The following NCOA2 variants were observed in gnomAD, a reference collection of about 807,000 sequenced individuals.
NCOA2 encodes nuclear receptor coactivator 2.
A neutral mutation model predicts 145.1 loss-of-function variants in NCOA2; 21 were observed. That is an observed-to-expected ratio of 0.14 (90% CI 0.10 to 0.21). The LOEUF (loss-of-function observed/expected upper bound fraction) is 0.21, where lower values mean the gene tolerates loss of function less well. NCOA2 is among the 10% of genes least tolerant of loss of function. NCOA2 has a pLI of 1.00. For missense variants in NCOA2, 1,472 were observed against 1,837.6 expected, an observed-to-expected ratio of 0.80 and a Z score of 3.64; for synonymous variants, 619 against 637.5, an observed-to-expected ratio of 0.97 and a Z score of 0.44.
At chr8:70,250,737 G>A (rs1483919551) in intron 2 of NCOA2, among the ~76,000 whole-genome samples, 3 of 152,044 alleles carry the variant, frequency 2.0e-5, no homozygotes, top group Non-Finnish European at 4.4e-5. Context: ...TACACACTAT[G>A]ACCACATATT....
At chr8:70,425,309 G>A in the NCOA2 span, among the ~76,000 whole-genome samples, 1 of 151,976 alleles carries the variant, frequency 6.6e-6, no homozygotes, top group Non-Finnish European at 1.5e-5. Context: ...CATTTCAATA[G>A]TTTTTGGGGT....
intron 2 of NCOA2, among the ~76,000 whole-genome samples, chr8:70,284,021 ATT>A (rs895423524): frequency 1.3e-5 from 2 of 152,166 alleles, no homozygotes; most frequent in African/African-American, 4.8e-5. Context: ...AATAAGCAAC[ATT>A]CCCCTCCATG....
At chr8:70,140,592 A>ATTT (rs1810283562) in intron 14 of NCOA2, among the ~76,000 whole-genome samples, 1 of 103,516 alleles carries the variant, frequency 9.7e-6, no homozygotes, top group East Asian at 4.8e-4. Flanking sequence ...GTACCACCTA[A>ATTT]GTTTTTTTTT....
Position 70,121,315 on chromosome 8 carries a change from C to A in NCOA2, c.4370G>T (p.Gly1457Val), listed in dbSNP as rs777159835. Residue 1457 changes from glycine to valine, a missense_variant, in exon 22 of 23, where the codon GGA (glycine) becomes GTA (valine). Gly to Val is a moderately radical substitution (Grantham distance 109, BLOSUM62 -3). Transcript: ENST00000452400. ...LPGMDMIKQE[G>V]DTTRKYC is the part of the protein sequence containing the mutation. Reference sequence around the variant, plus strand: ...GTTCTTTCTTACCCGTGTTGTGTCTCCCTCCTGCTTAATCATATCCATTCC... The same window carrying A: ...GTTCTTTCTTACCCGTGTTGTGTCTACCTCCTGCTTAATCATATCCATTCC... 5 of 1,612,628 alleles carry A rather than the reference C, an allele frequency of 3.1e-6. No individual in the cohort carries two copies. Among genetic ancestry groups the A allele is most frequent in the Non-Finnish European group, 4.2e-6 (5 of 1,179,246 alleles).
chr8:70,416,058 G>T, the NCOA2 span, among the ~76,000 whole-genome samples: 1 of 152,266 alleles, frequency 6.6e-6, no homozygotes, highest in Admixed American at 6.5e-5. Context: ...TCATGCAATT[G>T]TGGGGACTTG....
intron 1 of NCOA2, among the ~76,000 whole-genome samples, chr8:70,353,733 C>A (rs1050821806): frequency 1.3e-5 from 2 of 151,904 alleles, no homozygotes; most frequent in Non-Finnish European, 1.5e-5. Flanking sequence ...TGATAATCTC[C>A]CATATCTAAG....
At chr8:70,437,724 C>T in the NCOA2 span, among the ~76,000 whole-genome samples, 2 of 151,626 alleles carry the variant, frequency 1.3e-5, no homozygotes, top group Non-Finnish European at 1.5e-5. Flanking sequence ...TTTTTTTTGC[C>T]TGTAAGCATC....
chr8:70,265,604 T>A (rs1824502277), intron 2 of NCOA2, among the ~76,000 whole-genome samples: 1 of 152,154 alleles, frequency 6.6e-6, no homozygotes, highest in Non-Finnish European at 1.5e-5. Context: ...TTTAAAAAAA[T>A]ACTGACTTCC....
chr8:70,179,174 T>A (rs1815200679), intron 4 of NCOA2, among the ~76,000 whole-genome samples: 1 of 152,228 alleles, frequency 6.6e-6, no homozygotes, highest in African/African-American at 2.4e-5. Context: ...ACATATGTAT[T>A]TTCTAGCTAA....
intron 22 of NCOA2, among the ~76,000 whole-genome samples, chr8:70,116,382 T>A (rs1024743243): frequency 6.6e-6 from 1 of 152,020 alleles, no homozygotes. Context: ...TGAGACCCTG[T>A]CTCTACTAAA....
chr8:70,355,709 C>T (rs1212039859), intron 1 of NCOA2, among the ~76,000 whole-genome samples: 1 of 152,000 alleles, frequency 6.6e-6, no homozygotes, highest in Non-Finnish European at 1.5e-5. Context: ...CAAATAGTTT[C>T]CTGTTACCTA....
chr8:70,252,233 A>C (rs1823251057), intron 2 of NCOA2, among the ~76,000 whole-genome samples: 1 of 152,170 alleles, frequency 6.6e-6, no homozygotes, highest in Non-Finnish European at 1.5e-5. Context: ...AACTGTTATT[A>C]AGTCAATAAG....
chr8:70,269,571 G>A (rs946533412), intron 2 of NCOA2, among the ~76,000 whole-genome samples: 3 of 152,124 alleles, frequency 2.0e-5, no homozygotes, highest in South Asian at 2.1e-4. Context: ...CTAGTGCTTA[G>A]TATAGTCAAA....
chr8:70,263,961 C>T (rs954185841), intron 2 of NCOA2, among the ~76,000 whole-genome samples: 4 of 152,052 alleles, frequency 2.6e-5, no homozygotes, highest in African/African-American at 9.7e-5. Context: ...GCCTATAATC[C>T]CAGCACTTTG....
At chr8:70,372,544 G>T (rs192868008) in intron 1 of NCOA2, among the ~76,000 whole-genome samples, 1 of 152,260 alleles carries the variant, frequency 6.6e-6, no homozygotes, top group African/African-American at 2.4e-5. Context: ...AGGTCATATT[G>T]TGTGGCTAGG....
intron 4 of NCOA2, among the ~76,000 whole-genome samples, chr8:70,186,426 G>C (rs927856231): frequency 6.6e-6 from 1 of 151,944 alleles, no homozygotes; most frequent in African/African-American, 2.4e-5. Context: ...TTATGAACTC[G>C]GCACTACCAA....
intron 1 of NCOA2, among the ~76,000 whole-genome samples, chr8:70,380,972 A>C (rs1342755821): frequency 1.3e-5 from 2 of 151,642 alleles, no homozygotes; most frequent in Admixed American, 1.3e-4. Context: ...ACTACTTGGG[A>C]TGAGGTAGGA....
intron 1 of NCOA2, among the ~76,000 whole-genome samples, chr8:70,328,379 T>G (rs1806784609): frequency 6.6e-6 from 1 of 152,176 alleles, no homozygotes; most frequent in Non-Finnish European, 1.5e-5. Context: ...ACGCAATAAG[T>G]TTGTGACATT....
chr8:70,456,415 C>T, the NCOA2 span, among the ~76,000 whole-genome samples: 1 of 152,040 alleles, frequency 6.6e-6, no homozygotes, highest in South Asian at 2.1e-4. Flanking sequence ...GGTCAAGCGC[C>T]GGACGTTGTT....
Sources: allele counts gnomAD v4.1 joint callset (sites outside exome capture counted in the v4.1 genomes callset), GRCh38; gene constraint gnomAD v4.1.1; transcripts MANE v1.5; gene names NCBI Gene and HGNC (gene_info 2026-07-23, HGNC 2026-07-21).